Variants in MCM6 observed in about 807,000 individuals in gnomAD.
MCM6 encodes DNA replication licensing factor MCM6.
MCM6 carries 46 observed loss-of-function variants against 94.3 expected under a neutral mutation model. The observed-to-expected ratio is 0.49, with a 90% CI of 0.39 to 0.62. The LOEUF is 0.62. Ranked by LOEUF, MCM6 falls within the 20% of genes least tolerant of loss-of-function variation. The probability of loss-of-function intolerance (pLI) is 0.00; values close to 1 mark genes in which losing one functional copy is unlikely to be tolerated. For synonymous variants in MCM6, 335 were observed against 351.9 expected (o/e 0.95, Z 0.54); for missense variants, 865 against 1,017.9 (o/e 0.85, Z 2.04).
Position 135,876,425 on chromosome 2 carries a change from C to G in MCM6, c.-60G>C. The G allele has an allele frequency of 7.0e-7, 1 of 1,425,912 alleles. No homozygotes were observed. Among genetic ancestry groups the G allele is most frequent in the Admixed American group, 2.2e-5 (1 of 45,434 alleles). 88.3% of individuals were successfully genotyped at this position (1,425,912 alleles called of 1,614,324 possible). A position where few individuals can be genotyped will look rare whatever the true frequency, so the allele number is the denominator to read the frequency against. On this transcript the variant is annotated 5_prime_UTR_variant, in exon 1 of 17. Transcript: ENST00000264156. Reference sequence around the variant, plus strand: ...CTCGACCGCCACAAGTCGCTTTTTTCCAGACGCTGCAGCTTTGCGCGCGCC... The same window carrying G: ...CTCGACCGCCACAAGTCGCTTTTTTGCAGACGCTGCAGCTTTGCGCGCGCC...
chr2:135,865,447 A>C (rs1680077263), intron 6 of MCM6, among the ~76,000 whole-genome samples: 1 of 152,236 alleles, frequency 6.6e-6, no homozygotes, highest in African/African-American at 2.4e-5. Context: ...TAAAGATGCA[A>C]ATAAAATAAG....
At chr2:135,841,937 T>A (rs1360476830) in intron 16 of MCM6, among the ~76,000 whole-genome samples, 1 of 152,040 alleles carries the variant, frequency 6.6e-6, no homozygotes. Flanking sequence ...AAACACCATC[T>A]CTACTAAAAA....
chr2:135,876,197 C>T (rs1575370637), intron 1 of MCM6, 62 bp downstream of exon 1: 1 of 1,342,646 alleles, frequency 7.4e-7, no homozygotes, highest in African/African-American at 1.5e-5. Context: ...CACACGGCAC[C>T]GCCTGGCCCA....
intron 4 of MCM6, among the ~76,000 whole-genome samples, chr2:135,867,956 G>C (rs897789968): frequency 6.6e-6 from 1 of 152,130 alleles, no homozygotes; most frequent in Non-Finnish European, 1.5e-5. Flanking sequence ...GAACCCAGGA[G>C]GCGGAGCTTG....
intron 4 of MCM6, 55 bp downstream of exon 4, chr2:135,868,556 G>T: frequency 6.4e-7 from 1 of 1,570,086 alleles, no homozygotes; most frequent in Non-Finnish European, 8.8e-7. Context: ...CAAGGGCCTA[G>T]AAGTGAATTA....
intron 13 of MCM6, among the ~76,000 whole-genome samples, chr2:135,850,626 T>C (rs1250984785): frequency 6.6e-6 from 1 of 152,174 alleles, no homozygotes; most frequent in Non-Finnish European, 1.5e-5. Flanking sequence ...AAAATTAACC[T>C]GTGGGATAAA....
Position 135,876,389 on chromosome 2 carries a change from C to G in MCM6, c.-24G>C. 1 of 1,570,882 alleles carries G rather than the reference C, an allele frequency of 6.4e-7. No homozygotes were observed. The highest frequency in any genetic ancestry group is 8.6e-7 in the Non-Finnish European group (1 of 1,161,178). On this transcript the variant is annotated 5_prime_UTR_variant, in exon 1 of 17. Transcript: ENST00000264156. ...ATATTTGCTTAGTGCCGAGGATTCG[C>G]CTGCGCCACGCTCGACCGCCACAAG...
At chr2:135,864,811 A>G (rs1680061079) in intron 7 of MCM6, among the ~76,000 whole-genome samples, 1 of 152,098 alleles carries the variant, frequency 6.6e-6, no homozygotes, top group Admixed American at 6.6e-5. Context: ...GATAACCTCT[A>G]TCCTACCGTG....
At chr2:135,849,753 CAA>C (rs780042331) in intron 13 of MCM6, among the ~76,000 whole-genome samples, 1 of 152,040 alleles carries the variant, frequency 6.6e-6, no homozygotes, top group South Asian at 2.1e-4. Flanking sequence ...AAACCAGTGT[CAA>C]AAAGATGGAT....
chr2:135,850,289 C>T (rs913492674), intron 13 of MCM6, among the ~76,000 whole-genome samples: 2 of 151,922 alleles, frequency 1.3e-5, no homozygotes, highest in African/African-American at 2.4e-5. Flanking sequence ...TTCTCCCTCT[C>T]GTTTTTTTTT....
At chr2:135,846,205 C>T (rs767145365) in intron 15 of MCM6, 32 bp downstream of exon 15, 43 of 1,609,098 alleles carry the variant, frequency 2.7e-5, no homozygotes, top group Admixed American at 8.4e-5. Flanking sequence ...CAGAAGTGAC[C>T]GAGCATGTAA....
rs1011637600 is a variant in MCM6 at position 135,849,380 on chromosome 2, C to CA, written c.1918-1193dup. 2.8e-3 allele frequency among the ~76,000 whole-genome samples: 421 copies of CA among 150,006 alleles called. 5 individuals carry two copies. Among genetic ancestry groups the CA allele is most frequent in the Non-Finnish European group, 3.4e-3 (228 of 67,396 alleles). ...TGACCTAATGGATGTGTAGCACAAG[C>CA]AAAAAAAAATTGTTTTATGCAGCTG... is the stretch of plus-strand genomic sequence containing the variant. On this transcript the variant is annotated intron_variant, in intron 13 of 16. Coordinates refer to ENST00000264156, the MANE Select transcript of MCM6 (RefSeq NM_005915.6).
At chr2:135,872,871 T>C (rs1464340965) in intron 1 of MCM6, 28 bp from the exon 2 acceptor site, 8 of 1,612,280 alleles carry the variant, frequency 5.0e-6, no homozygotes, top group Non-Finnish European at 5.9e-6. Flanking sequence ...TCAACTAGAT[T>C]AAGGACACAG....
At chr2:135,852,641 T>C (rs1045517326) in intron 12 of MCM6, 146 bp downstream of exon 12, 15 of 475,908 alleles carry the variant, frequency 3.2e-5, no homozygotes, top group Middle Eastern at 1.2e-3. Flanking sequence ...AAAAAACAAA[T>C]TGCTGTTCCA....
intron 9 of MCM6, among the ~76,000 whole-genome samples, chr2:135,858,699 A>C (rs1468129105): frequency 6.6e-6 from 1 of 152,214 alleles, no homozygotes; most frequent in Non-Finnish European, 1.5e-5. Context: ...ATATACACTT[A>C]CTGTACTTGT....
At chr2:135,873,768 CAAGA>C (rs1201348061) in intron 1 of MCM6, among the ~76,000 whole-genome samples, 3 of 152,054 alleles carry the variant, frequency 2.0e-5, no homozygotes, top group Non-Finnish European at 4.4e-5. Context: ...TGAAGACAGA[CAAGA>C]AAGATGTTCC....
chr2:135,844,626 G>C lies in MCM6; in HGVS notation c.2268C>G (p.Ile756Met). Residue 756 changes from isoleucine (I) to methionine (M), a missense_variant, in exon 16 of 17, where the codon ATC (isoleucine) becomes ATG (methionine). By Grantham distance (10) the Ile-to-Met change is conservative. Transcript: ENST00000264156. ...SELVNWYLKE[I>M]ESEIDSEEEL... ...CTTCTTCAGAGTCTATCTCTGATTC[G>C]ATTTCCTTCAAGTACCAGTTAACAA... is the stretch of plus-strand genomic sequence containing the variant. 2 of 1,585,690 alleles carry C rather than the reference G, an allele frequency of 1.3e-6. No homozygotes were observed. The highest frequency in any genetic ancestry group is 1.7e-6 in the Non-Finnish European group (2 of 1,168,194).
chr2:135,855,940 T>C (rs894729810), intron 11 of MCM6, among the ~76,000 whole-genome samples: 9 of 152,120 alleles, frequency 5.9e-5, no homozygotes, highest in Non-Finnish European at 1.0e-4. Context: ...CAAGTAAATC[T>C]ACATTTTTTC....
chr2:135,865,443 T>C (rs1680077137), intron 6 of MCM6, among the ~76,000 whole-genome samples: 1 of 152,180 alleles, frequency 6.6e-6, no homozygotes, highest in African/African-American at 2.4e-5. Flanking sequence ...GACATAAAGA[T>C]GCAAATAAAA....
Sources: gnomAD v4.1 joint callset for allele counts (sites outside exome capture counted in the v4.1 genomes callset) on GRCh38, gnomAD v4.1.1 for gene constraint, MANE v1.5 for transcripts, NCBI Gene and HGNC (gene_info 2026-07-23, HGNC 2026-07-21) for gene names.